Variants in GUCY2D observed in about 807,000 individuals in gnomAD.
GUCY2D encodes the protein guanylate cyclase 2D, retinal, also known as retinal guanylyl cyclase 1.
In GUCY2D, 70 loss-of-function variants were observed where a neutral mutation model predicts 101.3. The observed-to-expected ratio is 0.69, with a 90% CI of 0.57 to 0.84. GUCY2D has a LOEUF of 0.84. Among genes scored for constraint, GUCY2D ranks in the 40% least tolerant of loss-of-function variants. The pLI, the probability that GUCY2D is intolerant of heterozygous loss-of-function variation, is 0.00. For synonymous variants in GUCY2D, 688 were observed against 670.7 expected, an observed-to-expected ratio of 1.03 and a Z score of -0.40; for missense variants, 1,460 against 1,542.5, an observed-to-expected ratio of 0.95 and a Z score of 0.90.
chr17:8,019,454 C>G (rs1184961972), intron 19 of GUCY2D, among the ~76,000 whole-genome samples: 1 of 152,204 alleles, frequency 6.6e-6, no homozygotes, highest in Non-Finnish European at 1.5e-5. Context: ...GAGCCAGTTC[C>G]TTCCCACCTT....
chr17:8,017,984 G>A (rs527767509), intron 19 of GUCY2D, among the ~76,000 whole-genome samples: 7 of 152,282 alleles, frequency 4.6e-5, no homozygotes, highest in East Asian at 1.9e-4. Flanking sequence ...GTGAGACACC[G>A]CGCCTGACCT....
At chr17:8,008,103 G>T (rs1256338309) in intron 7 of GUCY2D, 71 bp downstream of exon 7, 3 of 908,042 alleles carry the variant, frequency 3.3e-6, no homozygotes, top group Non-Finnish European at 5.4e-6. Context: ...GAGGGGAGGC[G>T]CACTCTCAGG....
Position 8,006,356 on chromosome 17 carries a change from T to G in GUCY2D, c.1027-7T>G, listed in dbSNP as rs780368194. 4 of 1,598,372 alleles carry G rather than the reference T, an allele frequency of 2.5e-6. No homozygotes were observed. On this transcript the variant is annotated splice_polypyrimidine_tract_variant and splice_region_variant and intron_variant, in intron 3 of 19. Transcript: ENST00000254854. ...CCGACCTCTGAGCCCCTACTCTCCTTCTCCAGGTCTCCCCACTCTTTGGCA... is the reference window on the plus strand; with the variant it reads ...CCGACCTCTGAGCCCCTACTCTCCTGCTCCAGGTCTCCCCACTCTTTGGCA...
At position 8,014,507 on chromosome 17, in the gene GUCY2D, T is replaced by C; in HGVS notation, c.2413-94T>C. 2 of 1,189,434 alleles carry C rather than the reference T, an allele frequency of 1.7e-6. No individual in the cohort carries two copies. The highest frequency in any genetic ancestry group is 1.3e-6 in the Non-Finnish European group (1 of 798,956). 73.7% of individuals were successfully genotyped at this position (1,189,434 alleles called of 1,614,324 possible). On this transcript the variant is annotated intron_variant, in intron 12 of 19. Transcript: ENST00000254854. The surrounding 1 kb of genome is among the most constrained non-coding windows in gnomAD (Gnocchi z 4.0). ...GTGGCAGCGGGGTTGGGGTTCAGAGTGAACAGCCCCATGAGAGGGCCCATG... is the reference window on the plus strand; with the variant it reads ...GTGGCAGCGGGGTTGGGGTTCAGAGCGAACAGCCCCATGAGAGGGCCCATG...
intron 7 of GUCY2D, 44 bp from the exon 8 acceptor site, chr17:8,009,462 A>T: frequency 3.1e-6 from 4 of 1,296,528 alleles, no homozygotes; most frequent in Non-Finnish European, 4.5e-6. Context: ...CCATCGTGGG[A>T]TTTTAAGAGA....
At chr17:8,012,903 C>T (rs1236124245) in intron 10 of GUCY2D, among the ~76,000 whole-genome samples, 200 bp from the exon 11 acceptor site, 1 of 152,210 alleles carries the variant, frequency 6.6e-6, no homozygotes, top group African/African-American at 2.4e-5. Context: ...CTGGGCACCA[C>T]CTTTTCTGAA....
At chr17:8,008,079 T>C in intron 7 of GUCY2D, 47 bp downstream of exon 7, 1 of 1,209,260 alleles carries the variant, frequency 8.3e-7, no homozygotes, top group Non-Finnish European at 1.2e-6. Context: ...GGAAGAATGC[T>C]CAGGCCCTGG....
chr17:8,003,812 G>A (rs1176235345), intron 2 of GUCY2D, 40 bp from the exon 3 acceptor site: 3 of 1,603,552 alleles, frequency 1.9e-6, no homozygotes, highest in East Asian at 2.2e-5. Flanking sequence ...TGGTCCTGCC[G>A]GCAGCCGGAC....
At chr17:8,003,821 A>G in intron 2 of GUCY2D, 31 bp from the exon 3 acceptor site, 2 of 1,604,390 alleles carry the variant, frequency 1.2e-6, no homozygotes, top group Non-Finnish European at 1.7e-6. Flanking sequence ...CGGCAGCCGG[A>G]CGGCGCCGCG....
chr17:8,015,700 G>A, intron 15 of GUCY2D, 43 bp from the exon 16 acceptor site: 1 of 1,456,130 alleles, frequency 6.9e-7, no homozygotes, highest in Non-Finnish European at 9.4e-7. Flanking sequence ...GTGCAGCCCA[G>A]GGCCGGCCCT....
At chr17:8,015,595 A>T (rs1316840485) in intron 15 of GUCY2D, 93 bp downstream of exon 15, 1 of 1,270,008 alleles carries the variant, frequency 7.9e-7, no homozygotes, top group Non-Finnish European at 1.1e-6. Flanking sequence ...TGGAGCGGGG[A>T]GTGGGGCTTA....
At chr17:8,008,934 C>A (rs1975796487) in intron 7 of GUCY2D, among the ~76,000 whole-genome samples, 1 of 152,176 alleles carries the variant, frequency 6.6e-6, no homozygotes, top group Admixed American at 6.5e-5. Flanking sequence ...TTAGCGAGAT[C>A]CAGGGCAAGA....
Position 8,011,006 on chromosome 17 carries a change from G to A in GUCY2D, c.1750-1138G>A, listed in dbSNP as rs1049270442. 5.4e-4 allele frequency among the ~76,000 whole-genome samples: 82 copies of A among 152,140 alleles called. No homozygotes were observed. Among genetic ancestry groups the A allele is most frequent in the African/African-American group, 1.7e-3 (70 of 41,526 alleles). ...GAGGGTGGGAGTCTCAGACCCGACT[G>A]ACACAATGACGTAACGCCAAGCAGA... On this transcript the variant is annotated intron_variant, in intron 8 of 19. Transcript: ENST00000254854. The surrounding 1 kb of genome is among the most constrained non-coding windows in gnomAD (Gnocchi z 4.3).
chr17:8,014,665 A>C lies in GUCY2D; in HGVS notation c.2477A>C (p.Gln826Pro). ...IIDSMLRMLE[Q>P]YSSNLEDLIR... ...GACTCGATGCTTCGGATGCTGGAGC[A>C]GTACTCTAGTAACCTGGAGGATCTG... The change falls in exon 13 of 20, where the codon CAG (glutamine) becomes CCG (proline). Residue 826 changes from glutamine (Q) to proline (P), a missense_variant. By Grantham distance (76) the Gln-to-Pro change is moderately conservative (BLOSUM62 -1). Transcript: ENST00000254854. The surrounding 1 kb of genome is among the most constrained non-coding windows in gnomAD (Gnocchi z 4.0). The C allele has an allele frequency of 6.2e-7, 1 of 1,614,152 alleles. No homozygotes were observed. Among genetic ancestry groups the C allele is most frequent in the East Asian group, 2.2e-5 (1 of 44,882 alleles).
intron 19 of GUCY2D, 33 bp downstream of exon 19, chr17:8,016,587 G>A (rs1019352157): frequency 2.3e-5 from 25 of 1,106,778 alleles, no homozygotes; most frequent in South Asian, 5.3e-5. Flanking sequence ...CCCAGCTGCC[G>A]CGTCCCCTCT....
chr17:8,020,089 C>CTTTTTTTTTTTTTTTTTTTTTTTT (rs57273310), intron 19 of GUCY2D, 39 bp from the exon 20 acceptor site: 2 of 84,292 alleles, frequency 2.4e-5, no homozygotes, highest in Non-Finnish European at 4.3e-5. Context: ...CACCTGGCGC[C>CTTTTTTTTTTTTTTTTTTTTTTTT]TTTTTTTTTT....
intron 19 of GUCY2D, 46 bp downstream of exon 19, chr17:8,016,600 T>C: frequency 1.0e-6 from 1 of 983,762 alleles, no homozygotes; most frequent in Admixed American, 2.0e-5. Flanking sequence ...TCCCCTCTGC[T>C]GCCTGCAGAA....
rs1349409262 is a variant in GUCY2D at position 8,003,467 on chromosome 17, C to G, written c.420C>G (p.Ala140=). ...PAACRPAELL[A]EEAGIALVPW... ...CCTGCCGGCCAGCCGAGCTGCTCGC[C>G]GAAGAAGCCGGGATCGCGCTGGTGC... Residue 140 remains alanine, a synonymous_variant, in exon 2 of 20, where the codon GCC becomes GCG. Transcript: ENST00000254854. The G allele has an allele frequency of 3.3e-6, 5 of 1,522,490 alleles. No homozygotes were observed. The highest frequency in any genetic ancestry group is 1.4e-5 in the African/African-American group (1 of 71,066). 94.3% of individuals were successfully genotyped at this position (1,522,490 alleles called of 1,614,324 possible). A position where few individuals can be genotyped will look rare whatever the true frequency, so the allele number is the denominator to read the frequency against.
rs79347759 is a variant in GUCY2D at position 8,018,406 on chromosome 17, G to T, written c.*25-1722G>T. ...ACAAGTTCCTACAAAATATTGACAC[G>T]CTCATTAAAGTTTCTGAATCATAGA... On this transcript the variant is annotated intron_variant, in intron 19 of 19. Coordinates refer to ENST00000254854, the MANE Select transcript of GUCY2D (RefSeq NM_000180.4). 2.4e-3 allele frequency among the ~76,000 whole-genome samples: 366 copies of T among 152,110 alleles called. 12 individuals carry two copies. In the East Asian group the frequency reaches 0.052, roughly 22 times the overall value.
Sources: allele counts gnomAD v4.1 joint callset (sites outside exome capture counted in the v4.1 genomes callset), GRCh38; gene constraint gnomAD v4.1.1; non-coding constraint Gnocchi (gnomAD v3.1); transcripts MANE v1.5; gene names NCBI Gene and HGNC (gene_info 2026-07-23, HGNC 2026-07-21).